TEX14: variants seen among roughly 807,000 people sequenced by gnomAD.
The protein encoded by TEX14 is testis expressed 14, intercellular bridge forming factor.
A neutral mutation model predicts 178.6 loss-of-function variants in TEX14; 168 were observed. The ratio of observed to expected loss-of-function variants is 0.94; its 90% CI spans 0.83 to 1.07. The LOEUF (loss-of-function observed/expected upper bound fraction) is 1.07, where lower values mean the gene tolerates loss of function less well. Ranked by LOEUF, TEX14 falls within the 50% of genes least tolerant of loss-of-function variation. TEX14 has a pLI of 0.00. For synonymous variants in TEX14, 626 were observed against 634.1 expected (o/e 0.99, Z 0.19); for missense variants, 1,730 against 1,753.6 (o/e 0.99, Z 0.24).
chr17:58,615,389 C>T, intron 7 of TEX14, 44 bp from the exon 8 acceptor site: 11 of 1,152,256 alleles, frequency 9.5e-6, no homozygotes, highest in Non-Finnish European at 1.4e-5. Context: ...AGTGAGCAGC[C>T]ACTTACTCCT....
chr17:58,677,270 A>G (rs2047411049), intron 1 of TEX14, among the ~76,000 whole-genome samples: 1 of 152,172 alleles, frequency 6.6e-6, no homozygotes, highest in South Asian at 2.1e-4. Context: ...GGGAGACAAG[A>G]GCAAGACCCT....
chr17:58,677,691 G>A (rs1162773373), intron 1 of TEX14: 1 of 149,796 alleles, frequency 6.7e-6, no homozygotes, highest in Non-Finnish European at 1.5e-5. Flanking sequence ...CCTTGCCCTG[G>A]GAAAACCACC....
intron 1 of TEX14, among the ~76,000 whole-genome samples, chr17:58,658,539 G>A (rs775447328): frequency 2.2e-4 from 29 of 134,734 alleles, no homozygotes; most frequent in African/African-American, 4.4e-4. Context: ...ACAGATGTGC[G>A]CCACCATGCC....
In TEX14 at chr17:58,602,479, T is replaced by C. The variant is rs2045477466; in HGVS notation, c.1448A>G (p.Lys483Arg). 1.2e-6 allele frequency: 2 copies of C among 1,614,040 alleles called. No homozygotes were observed. The highest frequency in any genetic ancestry group is 8.5e-7 in the Non-Finnish European group (1 of 1,180,030). Residue 483 changes from lysine (K) to arginine (R), a missense_variant, in exon 12 of 32, where the codon AAG becomes AGG. Lys to Arg is a conservative substitution (Grantham distance 26). Around this residue, in one of 2 missense-constraint regions of TEX14, gnomAD observed 789 missense variants for 681.2 expected, o/e 1.16. Transcript: ENST00000349033. ...TTTCTGCTTGACGTGGATGCCTGAC[T>C]TAACAATATCATAGTAAGGTTTCGG... ...RLPKPYYDIV[K>R]SGIHVKQKDR...
At chr17:58,590,904 AGTAATGTTTACATTCTAAT>A (rs2045120875) in intron 15 of TEX14, among the ~76,000 whole-genome samples, 1 of 151,858 alleles carries the variant, frequency 6.6e-6, no homozygotes, top group Admixed American at 6.6e-5. Flanking sequence ...AATAACATAG[AGTAATGTTTACATTCTAAT>A]GTAAAGTGAA....
chr17:58,587,865 C>T (rs368003677), intron 16 of TEX14, 31 bp downstream of exon 16: 145 of 1,512,500 alleles, frequency 9.6e-5, no homozygotes, highest in Non-Finnish European at 1.3e-4. Context: ...CCCCGCTCCA[C>T]CACCAGTTTC....
intron 23 of TEX14, 45 bp downstream of exon 23, chr17:58,573,136 G>A (rs2044580606): frequency 6.2e-7 from 1 of 1,607,774 alleles, no homozygotes. Context: ...AATGGGCTGG[G>A]GCTGTAAGTC....
intron 1 of TEX14, among the ~76,000 whole-genome samples, chr17:58,663,205 C>A (rs553124594): frequency 4.0e-5 from 6 of 151,866 alleles, no homozygotes; most frequent in Non-Finnish European, 5.9e-5. Flanking sequence ...GATGGATCAC[C>A]TGAGGTCGGG....
Position 58,685,505 on chromosome 17 carries a change from A to G in TEX14, c.-2+6434T>C, listed in dbSNP as rs1275169307. Among the ~76,000 whole-genome samples, 4 of 151,866 alleles carry G rather than the reference A, an allele frequency of 2.6e-5. No individual in the cohort carries two copies. In the East Asian group the frequency reaches 7.7e-4, roughly 29 times the overall value. ...TTAATTAGGTGAAGGAGGGAGAGGT[A>G]ATATTATAGACATATGCAAACACTG... On this transcript the variant is annotated intron_variant, in intron 1 of 31. Coordinates refer to ENST00000349033, the MANE Select transcript of TEX14 (RefSeq NM_031272.5).
chr17:58,632,125 G>C lies in TEX14; in HGVS notation c.137-1571C>G, dbSNP rs1216884336. On this transcript the variant is annotated intron_variant, in intron 2 of 31. Transcript: ENST00000349033. ...CACGCGTAACGCTGACGACTATAAAGCGCGCCGGAGCGCCAGAAACCGTCA... is the reference window on the plus strand; with the variant it reads ...CACGCGTAACGCTGACGACTATAAACCGCGCCGGAGCGCCAGAAACCGTCA... Among the ~76,000 whole-genome samples, 2 of 152,192 alleles carry C rather than the reference G, an allele frequency of 1.3e-5. 1 individual carries two copies. The highest frequency in any genetic ancestry group is 3.8e-4 in the East Asian group (2 of 5,202).
intron 20 of TEX14, among the ~76,000 whole-genome samples, chr17:58,578,379 G>GC (rs61067340): frequency 0.34 from 51,759 of 151,926 alleles, 9,549 homozygotes; most frequent in East Asian, 0.51. Flanking sequence ...GGAAAGTAGG[G>GC]CCCTGGGGTG....
At position 58,657,416 on chromosome 17, in the gene TEX14, T is replaced by C. The variant is rs146416942; in HGVS notation, c.-1-5414A>G. On this transcript the variant is annotated intron_variant, in intron 1 of 31. Transcript: ENST00000349033. The stretch of plus-strand genomic sequence containing the variant: ...GAACCTCTTGTCTGTTTTACCAGGT[T>C]AAAACTCAGATATTGAGGGGAATAA... Among the ~76,000 whole-genome samples the C allele has an allele frequency of 1.4e-4, 22 of 151,844 alleles. No homozygotes were observed. In the East Asian group the frequency reaches 3.3e-3, roughly 23 times the overall value.
chr17:58,631,138 C>G, intron 2 of TEX14: 1 of 984,496 alleles, frequency 1.0e-6, no homozygotes, highest in South Asian at 4.7e-5. Flanking sequence ...CTCCAGAAGA[C>G]CAAAAAACAC....
At chr17:58,626,725 G>A (rs760274379) in intron 3 of TEX14, among the ~76,000 whole-genome samples, 1 of 151,974 alleles carries the variant, frequency 6.6e-6, no homozygotes, top group East Asian at 1.9e-4. Flanking sequence ...ACAAAAATTA[G>A]TCAGGTGTGG....
Position 58,602,591 on chromosome 17 carries a change from CT to C in TEX14, c.1337-2del, listed in dbSNP as rs2045481647. On this transcript the variant is annotated splice_acceptor_variant, in intron 11 of 31. Transcript: ENST00000349033. LOFTEE classifies it high-confidence loss of function. ...TCTAAGCCCTTCCAGGGTATGTCAT[CT>C]GTAAGGAAAAAGTCATACAAAAGAG... 6.2e-7 allele frequency: 1 copy of C among 1,604,944 alleles called. No individual in the cohort carries two copies. Among genetic ancestry groups the C allele is most frequent in the Non-Finnish European group, 8.5e-7 (1 of 1,175,482 alleles).
rs564102016 is a variant in TEX14, at chr17:58,599,091, C to T, written c.2254G>A (p.Glu752Lys). ...HENDDRLRNI[E>K]QILDEVEMKQ... ...ATCTCGACTTCATCTAATATCTGCTCGATATTCCTCAGCCTATCATCATTC... is the reference window on the plus strand; with the variant it reads ...ATCTCGACTTCATCTAATATCTGCTTGATATTCCTCAGCCTATCATCATTC... Residue 752 changes from glutamate to lysine, a missense_variant, in exon 14 of 32, where the codon GAG becomes AAG. Coordinates refer to ENST00000349033, the MANE Select transcript of TEX14 (RefSeq NM_031272.5). 23 of 1,613,670 alleles carry T rather than the reference C, an allele frequency of 1.4e-5. No individual in the cohort carries two copies. The highest frequency in any genetic ancestry group is 8.9e-5 in the East Asian group (4 of 44,878).
Position 58,631,122 on chromosome 17 carries a change from T to A in TEX14, c.137-568A>T, listed in dbSNP as rs554298443. ...ATGCCTTACCTACCAAGAAAAAAAT[T>A]TAGTCCTCCAGAAGACCAAAAAACA... is the stretch of plus-strand genomic sequence containing the variant. On this transcript the variant is annotated intron_variant, in intron 2 of 31. Transcript: ENST00000349033. The A allele has an allele frequency of 5.1e-6, 5 of 979,612 alleles. No individual in the cohort carries two copies. The South Asian group carries it at 2.4e-4, about 46-fold the overall frequency. The allele number at this position is 979,612 out of a possible 1,614,324, so 60.7% of individuals were successfully genotyped here.
intron 1 of TEX14, chr17:58,666,458 C>CAAACAAAAAAAAAA (rs1555583923): frequency 8.1e-5 from 3 of 36,810 alleles, no homozygotes; most frequent in Admixed American, 5.2e-4. Context: ...CCTTCCACGG[C>CAAACAAAAAAAAAA]AAAAAAAAAA....
chr17:58,676,396 A>C (rs1193668309), intron 1 of TEX14, among the ~76,000 whole-genome samples: 2 of 150,044 alleles, frequency 1.3e-5, no homozygotes, highest in African/African-American at 2.5e-5. Flanking sequence ...CAAAAAAACA[A>C]AAAAAAACAC....
Sources: allele counts gnomAD v4.1 joint callset (sites outside exome capture counted in the v4.1 genomes callset), GRCh38; gene constraint gnomAD v4.1.1; regional missense constraint gnomAD v4.1.1; transcripts MANE v1.5; gene names NCBI Gene and HGNC (gene_info 2026-07-23, HGNC 2026-07-21).